LPCAT3: variants seen among roughly 807,000 people sequenced by gnomAD.
LPCAT3 encodes the protein lysophospholipid acyltransferase 5.
In LPCAT3, 21 loss-of-function variants were observed where a neutral mutation model predicts 63.4. The ratio of observed to expected loss-of-function variants is 0.33; its 90% CI spans 0.23 to 0.48. The LOEUF (loss-of-function observed/expected upper bound fraction) is 0.48. Ranked by LOEUF, LPCAT3 falls within the 20% of genes least tolerant of loss-of-function variation. The probability of loss-of-function intolerance (pLI) is 0.99; values close to 1 mark genes in which losing one functional copy is unlikely to be tolerated. For missense variants in LPCAT3, 451 were observed against 590.6 expected (o/e 0.76, Z 2.45); for synonymous variants, 242 against 227.5 (o/e 1.06, Z -0.58).
At chr12:6,978,098 T>G (rs782387220) in intron 9 of LPCAT3, 46 of 570,524 alleles carry the variant, frequency 8.1e-5, no homozygotes, top group Non-Finnish European at 1.3e-4. Context: ...ATAAGTCCAT[T>G]GGCAGAGCTG....
At chr12:6,996,624 A>G (rs1946637878) in intron 1 of LPCAT3, among the ~76,000 whole-genome samples, 1 of 152,248 alleles carries the variant, frequency 6.6e-6, no homozygotes, top group Non-Finnish European at 1.5e-5. Context: ...TAGGCAGTCA[A>G]TACAATATTT....
chr12:7,002,456 A>G (rs1946694390), intron 1 of LPCAT3, among the ~76,000 whole-genome samples: 1 of 152,044 alleles, frequency 6.6e-6, no homozygotes, highest in African/African-American at 2.4e-5. Flanking sequence ...TTTCTCTCCA[A>G]CCCCTCCAAA....
intron 1 of LPCAT3, among the ~76,000 whole-genome samples, chr12:6,999,144 C>T (rs1157055109): frequency 6.6e-6 from 1 of 152,172 alleles, no homozygotes; most frequent in Non-Finnish European, 1.5e-5. Flanking sequence ...GCTTATCCTC[C>T]TATTGAAAAA....
At chr12:7,016,569 G>A (rs1453145609) in intron 1 of LPCAT3, among the ~76,000 whole-genome samples, 2 of 152,094 alleles carry the variant, frequency 1.3e-5, no homozygotes, top group Non-Finnish European at 2.9e-5. Flanking sequence ...GTGCCCCTGC[G>A]CCTGGCCTAA....
chr12:6,980,249 C>T (rs782756420), intron 6 of LPCAT3, among the ~76,000 whole-genome samples: 1 of 152,020 alleles, frequency 6.6e-6, no homozygotes, highest in Admixed American at 6.6e-5. Context: ...CACTATGTTG[C>T]CCAGGCTGGT....
At chr12:7,008,611 G>A (rs1946742419) in intron 1 of LPCAT3, among the ~76,000 whole-genome samples, 1 of 152,090 alleles carries the variant, frequency 6.6e-6, no homozygotes, top group Non-Finnish European at 1.5e-5. Flanking sequence ...CCTCCTCTGG[G>A]TGTGGTGGCT....
intron 1 of LPCAT3, among the ~76,000 whole-genome samples, chr12:7,012,712 G>T (rs1316112016): frequency 3.3e-5 from 5 of 152,074 alleles, no homozygotes; most frequent in Non-Finnish European, 7.4e-5. Context: ...CTGAGCTCAA[G>T]ACCAGGCTTC....
At chr12:6,995,715 T>A (rs1946630857) in intron 1 of LPCAT3, among the ~76,000 whole-genome samples, 1 of 151,946 alleles carries the variant, frequency 6.6e-6, no homozygotes, top group Non-Finnish European at 1.5e-5. Context: ...TATACCGGGG[T>A]AATCTTCCTT....
In LPCAT3 at chr12:7,018,205, C is replaced by T. The variant is rs781938808; in HGVS notation, c.151+69G>A. On this transcript the variant is annotated intron_variant, in intron 1 of 12. Transcript: ENST00000261407. The surrounding 1 kb of genome is among the most constrained non-coding windows in gnomAD (Gnocchi z 4.9). ...GGTGGCTCCGGGAAGAGAGGGAGGT[C>T]CTGTCCCCATTCCTCCCCTACTCCC... 74 of 1,533,466 alleles carry T rather than the reference C, an allele frequency of 4.8e-5. 1 individual carries two copies. The Middle Eastern group carries it at 5.6e-4, about 12-fold the overall frequency. The allele number at this position is 1,533,466 out of a possible 1,614,324, so 95.0% of individuals were successfully genotyped here.
Position 6,983,543 on chromosome 12 carries a change from G to A in LPCAT3, c.152-4C>T, listed in dbSNP as rs782623044. ...TAAAACAAAGCAAAGGGGTAACCTA[G>A]ATGGGGGAAAAGATAAGAAGAGTGT... On this transcript the variant is annotated splice_region_variant and splice_polypyrimidine_tract_variant and intron_variant, in intron 1 of 12. Transcript: ENST00000261407. 3.8e-6 allele frequency: 6 copies of A among 1,566,998 alleles called. No homozygotes were observed. The highest frequency in any genetic ancestry group is 5.3e-6 in the Non-Finnish European group (6 of 1,138,356).
In LPCAT3 at chr12:6,982,800, G is replaced by T. The variant is rs781841836; in HGVS notation, c.260-18C>A. 1.3e-6 allele frequency: 2 copies of T among 1,557,406 alleles called. No individual in the cohort carries two copies. Among genetic ancestry groups the T allele is most frequent in the South Asian group, 1.1e-5 (1 of 89,784 alleles). On this transcript the variant is annotated intron_variant, in intron 2 of 12. Transcript: ENST00000261407. ...CTGGTTTCCTGGATGCAAGAAGAGA[G>T]AATTTAGCCTGGTTTTTACACTCCC... is the stretch of plus-strand genomic sequence containing the variant.
Position 6,977,602 on chromosome 12 carries a change from C to T in LPCAT3, c.1184G>A (p.Arg395Lys), listed in dbSNP as rs1416902827. 23 of 1,614,102 alleles carry T rather than the reference C, an allele frequency of 1.4e-5. No individual in the cohort carries two copies. Among genetic ancestry groups the T allele is most frequent in the Non-Finnish European group, 1.9e-5 (23 of 1,180,048 alleles). ...ACCCCCACCCTGGAGGCCTACCTGT[C>T]TTTCCACAATAACAATGAGGAATTC... is the stretch of plus-strand genomic sequence containing the variant. Reference protein sequence around the residue: ...QMEFLIVIVERQAARLIQESP... With the variant: ...QMEFLIVIVEKQAARLIQESP... Residue 395 changes from arginine (R) to lysine (K), a missense_variant, in exon 10 of 13, where the codon AGA becomes AAA. Arg to Lys is a conservative substitution (Grantham distance 26, BLOSUM62 2). Transcript: ENST00000261407. The surrounding 1 kb of genome is among the most constrained non-coding windows in gnomAD (Gnocchi z 4.5).
intron 1 of LPCAT3, among the ~76,000 whole-genome samples, chr12:6,992,045 A>G (rs781885474): frequency 6.6e-6 from 1 of 152,192 alleles, no homozygotes; most frequent in East Asian, 1.9e-4. Flanking sequence ...TACAAAAATT[A>G]GCTGGGTGTG....
intron 1 of LPCAT3, among the ~76,000 whole-genome samples, chr12:7,005,072 G>A (rs1351668136): frequency 1.3e-5 from 2 of 152,114 alleles, no homozygotes; most frequent in Non-Finnish European, 2.9e-5. Flanking sequence ...TAGAAACCCT[G>A]TACCGCATAG....
At position 6,976,337 on chromosome 12, in the gene LPCAT3, A is replaced by C. The variant is rs1317298178; in HGVS notation, c.*567T>G. The C allele has an allele frequency of 6.5e-6, 1 of 154,178 alleles. No individual in the cohort carries two copies. Among genetic ancestry groups the C allele is most frequent in the East Asian group, 1.9e-4 (1 of 5,210 alleles). The allele number at this position is 154,178 out of a possible 1,614,324, so 9.6% of individuals were successfully genotyped here. A position where few individuals can be genotyped will look rare whatever the true frequency, so the allele number is the denominator to read the frequency against. On this transcript the variant is annotated 3_prime_UTR_variant, in exon 13 of 13. Transcript: ENST00000261407. Reference sequence around the variant, plus strand: ...ATCATAGTAAATTGGCAGAAGAAAAACACAATAGATTCCTGGCTAGATGGG... The same window carrying C: ...ATCATAGTAAATTGGCAGAAGAAAACCACAATAGATTCCTGGCTAGATGGG...
intron 2 of LPCAT3, 113 bp downstream of exon 2, chr12:6,983,319 T>C (rs1381778166): frequency 1.4e-6 from 1 of 698,300 alleles, no homozygotes; most frequent in Non-Finnish European, 2.5e-6. Flanking sequence ...TCTTTGCAAG[T>C]GGGAGCATTA....
In LPCAT3 at chr12:6,987,113, A is replaced by AG. The variant is rs1380629200; in HGVS notation, c.152-3575_152-3574insC. ...GGGCAACGAGCAAGATTCTGTCTCA[A>AG]AAAAAAAAGAAAAAAAAGTTTTATG... On this transcript the variant is annotated intron_variant, in intron 1 of 12. Coordinates refer to ENST00000261407, the MANE Select transcript of LPCAT3 (RefSeq NM_005768.6). This position sits in a 1 kb window ranked among gnomAD's most constrained non-coding sequence, Gnocchi z 4.1. 6.6e-6 allele frequency among the ~76,000 whole-genome samples: 1 copy of AG among 151,272 alleles called. No homozygotes were observed. The highest frequency in any genetic ancestry group is 1.5e-5 in the Non-Finnish European group (1 of 67,762).
chr12:7,016,030 G>A (rs1946795551), intron 1 of LPCAT3, among the ~76,000 whole-genome samples: 1 of 152,040 alleles, frequency 6.6e-6, no homozygotes, highest in Admixed American at 6.5e-5. Context: ...ATAACTGGTT[G>A]CTACTTGTGT....
In LPCAT3 at chr12:6,977,889, C is replaced by G. The variant is rs1946426310; in HGVS notation, c.1041-144G>C. On this transcript the variant is annotated intron_variant, in intron 9 of 12. Transcript: ENST00000261407. This position sits in a 1 kb window ranked among gnomAD's most constrained non-coding sequence, Gnocchi z 4.5. Reference sequence around the variant, plus strand: ...CCCCCAGAGGGTACAGGAGGCAGTGCTGACTGATTACTTTTAGAGATGGAA... The same window carrying G: ...CCCCCAGAGGGTACAGGAGGCAGTGGTGACTGATTACTTTTAGAGATGGAA... 6.5e-6 allele frequency: 6 copies of G among 917,790 alleles called. No individual in the cohort carries two copies. The highest frequency in any genetic ancestry group is 2.4e-5 in the East Asian group (1 of 40,834). 56.9% of individuals were successfully genotyped at this position (917,790 alleles called of 1,614,324 possible). A position where few individuals can be genotyped will look rare whatever the true frequency, so the allele number is the denominator to read the frequency against.
Sources: gnomAD v4.1 joint callset for allele counts (sites outside exome capture counted in the v4.1 genomes callset) on GRCh38, gnomAD v4.1.1 for gene constraint, Gnocchi (gnomAD v3.1) non-coding constraint, MANE v1.5 for transcripts, NCBI Gene and HGNC (gene_info 2026-07-23, HGNC 2026-07-21) for gene names.